BTBD1: variants seen among roughly 807,000 people sequenced by gnomAD.
BTBD1 encodes BTB/POZ domain-containing protein 1.
A neutral mutation model predicts 48.0 loss-of-function variants in BTBD1; 34 were observed. That is an observed-to-expected ratio of 0.71 (90% CI 0.54 to 0.94). BTBD1 has a LOEUF of 0.94. Ranked by LOEUF, BTBD1 falls within the 40% of genes least tolerant of loss-of-function variation. BTBD1 has a pLI of 0.00. For synonymous variants in BTBD1, 261 were observed against 242.1 expected, an observed-to-expected ratio of 1.08 and a Z score of -0.72; for missense variants, 543 against 625.6, an observed-to-expected ratio of 0.87 and a Z score of 1.41.
intron 2 of BTBD1, among the ~76,000 whole-genome samples, chr15:83,055,439 G>T (rs2033067101): frequency 6.6e-6 from 1 of 152,090 alleles, no homozygotes; most frequent in Non-Finnish European, 1.5e-5. Flanking sequence ...TTTATTTTTA[G>T]TAGAGACTGG....
intron 4 of BTBD1, among the ~76,000 whole-genome samples, chr15:83,035,891 G>T (rs1054323678): frequency 6.7e-6 from 1 of 150,142 alleles, no homozygotes; most frequent in Non-Finnish European, 1.5e-5. Context: ...TTCATTGCAA[G>T]AAAAAAAAAT....
intron 3 of BTBD1, among the ~76,000 whole-genome samples, chr15:83,044,970 T>TA (rs1006467683): frequency 7.2e-5 from 11 of 151,922 alleles, no homozygotes; most frequent in Non-Finnish European, 2.9e-5. Context: ...TTTGTGCTAA[T>TA]AAAAAAATAA....
At chr15:83,028,575 C>A (rs1349694260) in intron 5 of BTBD1, 1 of 152,086 alleles carries the variant, frequency 6.6e-6, no homozygotes, top group African/African-American at 2.4e-5. Context: ...TTTTAATGCT[C>A]AAGGAAACTA....
chr15:83,067,050 C>A lies in BTBD1; in HGVS notation c.102G>T (p.Leu34=). The A allele has an allele frequency of 6.3e-7, 1 of 1,579,130 alleles. No individual in the cohort carries two copies. The highest frequency in any genetic ancestry group is 1.8e-5 in the Admixed American group (1 of 56,314). Residue 34 remains leucine, a synonymous_variant, in exon 1 of 8, where the codon CTG becomes CTT. Coordinates refer to ENST00000261721, the MANE Select transcript of BTBD1 (RefSeq NM_025238.4). ...GPPPPPSPSS[L]GPLLPLQREP... ...CCCGCTGCAGGGGGAGCAGGGGCCC[C>A]AGAGAGGACGGTGAGGGCGGCGGCG...
At chr15:83,020,270 C>CA in intron 6 of BTBD1, 3 of 155,876 alleles carry the variant, frequency 1.9e-5, no homozygotes, top group Non-Finnish European at 4.2e-5. Context: ...GACCCTGTCT[C>CA]AAAAAAAAGT....
chr15:83,042,170 C>T (rs1311011845), intron 3 of BTBD1, among the ~76,000 whole-genome samples: 1 of 151,598 alleles, frequency 6.6e-6, no homozygotes, highest in African/African-American at 2.4e-5. Context: ...AGATACAGTA[C>T]TCTCCTTATA....
rs1003171390 is a variant in BTBD1 at position 83,044,298 on chromosome 15, C to G, written c.665-2373G>C. 7.7e-6 allele frequency: 6 copies of G among 777,028 alleles called. No homozygotes were observed. In the African/African-American group the frequency reaches 1.0e-4, roughly 14 times the overall value. 48.1% of individuals were successfully genotyped at this position (777,028 alleles called of 1,614,324 possible). ...TTTCTCAAAGGGTCAAAATAAATAC[C>G]CCAGTTCGACAGCAAGCTGCCCACG... is the stretch of plus-strand genomic sequence containing the variant. On this transcript the variant is annotated intron_variant, in intron 3 of 7. Transcript: ENST00000261721.
At chr15:83,031,108 C>G (rs1379105587) in intron 4 of BTBD1, among the ~76,000 whole-genome samples, 1 of 152,214 alleles carries the variant, frequency 6.6e-6, no homozygotes, top group East Asian at 1.9e-4. Context: ...GCCACACTAT[C>G]TTCCACAATG....
intron 5 of BTBD1, among the ~76,000 whole-genome samples, chr15:83,025,407 C>A (rs928730962): frequency 1.5e-4 from 23 of 149,494 alleles, no homozygotes; most frequent in Non-Finnish European, 2.7e-4. Flanking sequence ...TTCTCCACTA[C>A]CTTAAAATAG....
At chr15:83,046,665 C>G (rs2032885485) in intron 3 of BTBD1, among the ~76,000 whole-genome samples, 1 of 152,092 alleles carries the variant, frequency 6.6e-6, no homozygotes, top group African/African-American at 2.4e-5. Flanking sequence ...GCTACCCTAA[C>G]AGGGAGGAAA....
chr15:83,066,631 C>A (rs1020098771), intron 1 of BTBD1, 120 bp downstream of exon 1: 10 of 1,080,034 alleles, frequency 9.3e-6, no homozygotes, highest in Non-Finnish European at 2.4e-6. Flanking sequence ...AGGCCCCGGG[C>A]GGGTCAGAAG....
chr15:83,051,759 T>A (rs182088659), intron 2 of BTBD1, among the ~76,000 whole-genome samples: 1 of 152,132 alleles, frequency 6.6e-6, no homozygotes, highest in East Asian at 1.9e-4. Flanking sequence ...CTTTGGAATT[T>A]CAAATTTATA....
At chr15:83,050,392 T>G (rs879588136) in intron 2 of BTBD1, among the ~76,000 whole-genome samples, 5 of 151,814 alleles carry the variant, frequency 3.3e-5, no homozygotes, top group Non-Finnish European at 7.4e-5. Flanking sequence ...TAAGAACAAA[T>G]TGACATTACC....
At chr15:83,043,558 C>T (rs530432379) in intron 3 of BTBD1, among the ~76,000 whole-genome samples, 3 of 152,170 alleles carry the variant, frequency 2.0e-5, no homozygotes, top group Non-Finnish European at 4.4e-5. Context: ...GCTCTTGCAT[C>T]GATCCAGGTC....
chr15:83,023,619 CAAGT>C (rs36073636), intron 5 of BTBD1, among the ~76,000 whole-genome samples: 69,713 of 151,452 alleles, frequency 0.46, 17,052 homozygotes, highest in African/African-American at 0.6. Flanking sequence ...CTCCTGGGCT[CAAGT>C]AAGTGATCCT....
intron 2 of BTBD1, among the ~76,000 whole-genome samples, chr15:83,050,930 G>A (rs568232132): frequency 6.6e-6 from 1 of 151,856 alleles, no homozygotes; most frequent in Non-Finnish European, 1.5e-5. Context: ...GCAAGAATAT[G>A]TACTGTAGAA....
chr15:83,048,058 G>A (rs1422439813), intron 3 of BTBD1, among the ~76,000 whole-genome samples: 1 of 152,174 alleles, frequency 6.6e-6, no homozygotes, highest in African/African-American at 2.4e-5. Context: ...GAGAATGGTG[G>A]CTTAGACTAG....
intron 3 of BTBD1, among the ~76,000 whole-genome samples, chr15:83,044,120 G>GT (rs910810548): frequency 6.6e-6 from 1 of 152,000 alleles, no homozygotes; most frequent in Non-Finnish European, 1.5e-5. Flanking sequence ...GTCTTATAGA[G>GT]TTTTTTAAAA....
chr15:83,066,311 G>A (rs574920869), intron 1 of BTBD1, among the ~76,000 whole-genome samples: 129 of 152,060 alleles, frequency 8.5e-4, no homozygotes, highest in African/African-American at 2.2e-3. Context: ...AAAAAAGCGG[G>A]GGGAAGGGGG....
Sources: allele counts gnomAD v4.1 joint callset (sites outside exome capture counted in the v4.1 genomes callset), GRCh38; gene constraint gnomAD v4.1.1; transcripts MANE v1.5; gene names NCBI Gene and HGNC (gene_info 2026-07-23, HGNC 2026-07-21).